The following TAS1R2 variants were observed in gnomAD, a reference collection of about 807,000 sequenced individuals.
TAS1R2 encodes taste 1 receptor member 2.
A neutral mutation model predicts 49.3 loss-of-function variants in TAS1R2; 47 were observed. The observed-to-expected ratio is 0.95, with a 90% CI of 0.75 to 1.22. The LOEUF (loss-of-function observed/expected upper bound fraction) is 1.22, where lower values mean the gene tolerates loss of function less well. Ranked by LOEUF, TAS1R2 falls within the 50% of genes most tolerant of loss-of-function variation. The pLI is 0.00. For missense variants in TAS1R2, 1,155 were observed against 1,122.1 expected, an observed-to-expected ratio of 1.03 and a Z score of -0.42; for synonymous variants, 479 against 467.9, an observed-to-expected ratio of 1.02 and a Z score of -0.31.
intron 3 of TAS1R2, among the ~76,000 whole-genome samples, chr1:18,852,015 A>G (rs182027627): frequency 1.6e-3 from 238 of 152,352 alleles, no homozygotes; most frequent in African/African-American, 5.3e-3. Context: ...CCGGCACATA[A>G]GTGCCCATTC....
chr1:18,847,333 C>G (rs969987457), intron 4 of TAS1R2, among the ~76,000 whole-genome samples: 2 of 152,154 alleles, frequency 1.3e-5, no homozygotes, highest in African/African-American at 4.8e-5. Flanking sequence ...CTTCCAGGCT[C>G]CAGAACAGTG....
Position 18,854,817 on chromosome 1 carries a change from T to C in TAS1R2, c.653A>G (p.Asp218Gly), listed in dbSNP as rs763930950. Residue 218 changes from aspartate (D) to glycine (G), a missense_variant, in exon 3 of 6, where the codon GAC becomes GGC. Physicochemically the swap from Asp to Gly is moderately conservative, Grantham distance 94. Transcript: ENST00000375371. The surrounding 1 kb of genome is among the most constrained non-coding windows in gnomAD (Gnocchi z 4.9). ...GCGCTCGCCAAGCAGCTGGCCATTG[T>C]CGCGGCCATAGGTGTCGCTGCTCAC... 1 of 1,607,098 alleles carries C rather than the reference T, an allele frequency of 6.2e-7. No individual in the cohort carries two copies. Among genetic ancestry groups the C allele is most frequent in the Non-Finnish European group, 8.5e-7 (1 of 1,179,192 alleles).
chr1:18,843,965 A>G (rs34714640), intron 4 of TAS1R2, among the ~76,000 whole-genome samples: 12,541 of 152,294 alleles, frequency 0.082, 821 homozygotes, highest in East Asian at 0.34. Context: ...GTTGTAACAA[A>G]TGCCTCTCCC....
chr1:18,841,744 G>T, exon 5 of TAS1R2: 1 of 1,613,876 alleles, frequency 6.2e-7, no homozygotes, highest in Non-Finnish European at 8.5e-7. Context: ...GTGTGGTTGA[G>T]GAAGGTGCCG....
At chr1:18,842,673 A>T (rs575654741) in intron 4 of TAS1R2, among the ~76,000 whole-genome samples, 163 of 152,334 alleles carry the variant, frequency 1.1e-3, no homozygotes, top group Non-Finnish European at 2.1e-3. Flanking sequence ...TAATGAAAAT[A>T]AAAACACAAC....
intron 3 of TAS1R2, among the ~76,000 whole-genome samples, chr1:18,851,835 A>G (rs1205864287): frequency 6.6e-6 from 1 of 151,966 alleles, no homozygotes; most frequent in Non-Finnish European, 1.5e-5. Flanking sequence ...GCACTATTTC[A>G]TCACCATCCC....
At position 18,854,054 on chromosome 1, in the gene TAS1R2, C is replaced by T. The variant is rs1934080294; in HGVS notation, c.1257+159G>A. On this transcript the variant is annotated intron_variant, in intron 3 of 5. Transcript: ENST00000375371. This position sits in a 1 kb window ranked among gnomAD's most constrained non-coding sequence, Gnocchi z 4.9. ...ACTACTATCTTGAATGGTGAGTGTT[C>T]AATTAATTTAAAAAGCAATTTTGTT... Among the ~76,000 whole-genome samples, 1 of 152,146 alleles carries T rather than the reference C, an allele frequency of 6.6e-6. No homozygotes were observed. The highest frequency in any genetic ancestry group is 1.5e-5 in the Non-Finnish European group (1 of 68,026).
intron 2 of TAS1R2, 108 bp from the exon 3 acceptor site, chr1:18,855,094 C>A: frequency 1.4e-6 from 2 of 1,391,598 alleles, no homozygotes; most frequent in Non-Finnish European, 1.9e-6. Context: ...GTGCAAGCCA[C>A]CCCAGGGGTA....
At chr1:18,857,550 C>T (rs1407865931) in exon 2 of TAS1R2, 2 of 1,614,214 alleles carry the variant, frequency 1.2e-6, no homozygotes, top group African/African-American at 1.3e-5. Context: ...CACCAGGCAG[C>T]AGGCTGCTGT....
chr1:18,839,630 A>G, exon 6 of TAS1R2: 2 of 1,614,016 alleles, frequency 1.2e-6, no homozygotes, highest in Non-Finnish European at 1.7e-6. Context: ...GCCCTGGATC[A>G]TGCTGTTGAA....
intron 3 of TAS1R2, among the ~76,000 whole-genome samples, chr1:18,850,945 G>C (rs1427507303): frequency 1.3e-5 from 2 of 152,176 alleles, no homozygotes; most frequent in Non-Finnish European, 2.9e-5. Flanking sequence ...CCTCTTCGCT[G>C]CCCCAGGTAA....
At chr1:18,855,685 C>G (rs777657134) in intron 2 of TAS1R2, among the ~76,000 whole-genome samples, 1 of 152,154 alleles carries the variant, frequency 6.6e-6, no homozygotes, top group African/African-American at 2.4e-5. Context: ...CAGATGCATA[C>G]CACAACTGCC....
chr1:18,855,686 C>T (rs1934127104), intron 2 of TAS1R2, among the ~76,000 whole-genome samples: 1 of 152,146 alleles, frequency 6.6e-6, no homozygotes, highest in African/African-American at 2.4e-5. Context: ...AGATGCATAC[C>T]ACAACTGCCT....
Position 18,854,742 on chromosome 1 carries a change from A to AT in TAS1R2, c.727_728insA (p.Leu243HisfsTer45). 1 of 1,611,862 alleles carries AT rather than the reference A, an allele frequency of 6.2e-7. No homozygotes were observed. The highest frequency in any genetic ancestry group is 2.2e-5 in the East Asian group (1 of 44,848). On this transcript the variant is annotated frameshift_variant, in exon 3 of 6. Coordinates refer to ENST00000375371, the Ensembl canonical transcript of TAS1R2. LOFTEE classifies it high-confidence loss of function. This position sits in a 1 kb window ranked among gnomAD's most constrained non-coding sequence, Gnocchi z 4.9. ...TGACGTCATGTTCTGGTTGGGCTGC[A>AT]GTGTGGGCAGCGTCTCCTGGAAGGC...
chr1:18,854,712 T>C lies in TAS1R2; in HGVS notation c.758A>G (p.Glu253Gly). 6.2e-7 allele frequency: 1 copy of C among 1,613,270 alleles called. No individual in the cohort carries two copies. Among genetic ancestry groups the C allele is most frequent in the Non-Finnish European group, 8.5e-7 (1 of 1,179,900 alleles). ...CACAATGGTCACCAGGCGCTGGCGC[T>C]CCTCTGACGTCATGTTCTGGTTGGG... Residue 253 changes from glutamate to glycine, a missense_variant, in exon 3 of 6, where the codon GAG becomes GGG. Coordinates refer to ENST00000375371, the Ensembl canonical transcript of TAS1R2. This position sits in a 1 kb window ranked among gnomAD's most constrained non-coding sequence, Gnocchi z 4.9.
At chr1:18,857,511 C>T in exon 2 of TAS1R2, 1 of 1,614,212 alleles carries the variant, frequency 6.2e-7, no homozygotes, top group East Asian at 2.2e-5. Context: ...AGATGTAGCA[C>T]ACATCCACGA....
intron 2 of TAS1R2, among the ~76,000 whole-genome samples, chr1:18,856,843 C>A (rs1401481469): frequency 6.6e-6 from 1 of 152,188 alleles, no homozygotes; most frequent in Non-Finnish European, 1.5e-5. Context: ...TAATACAAAT[C>A]ACCCTTTTGT....
At chr1:18,839,660 T>C in exon 6 of TAS1R2, 1 of 1,614,088 alleles carries the variant, frequency 6.2e-7, no homozygotes, top group Non-Finnish European at 8.5e-7. Context: ...CGTGTTGCGC[T>C]CCGGGTAGAA....
intron 4 of TAS1R2, among the ~76,000 whole-genome samples, chr1:18,849,012 C>T (rs4920559): frequency 0.41 from 63,025 of 152,046 alleles, 13,364 homozygotes; most frequent in East Asian, 0.55. Context: ...CAGTCCCTGG[C>T]GCCAAAAAGG....
Sources: allele counts gnomAD v4.1 joint callset (sites outside exome capture counted in the v4.1 genomes callset), GRCh38; gene constraint gnomAD v4.1.1; non-coding constraint Gnocchi (gnomAD v3.1); transcripts MANE v1.5; gene names NCBI Gene and HGNC (gene_info 2026-07-23, HGNC 2026-07-21).